TUBGCP4: variants seen among roughly 807,000 people sequenced by gnomAD.
The protein encoded by TUBGCP4 is gamma-tubulin complex component 4.
Under a neutral mutation model 91.6 loss-of-function variants are expected in TUBGCP4, and 54 were observed. That is an observed-to-expected ratio of 0.59 (90% confidence interval 0.47 to 0.74). The LOEUF (loss-of-function observed/expected upper bound fraction) is 0.74. TUBGCP4 is among the 30% of genes least tolerant of loss of function. The probability of loss-of-function intolerance (pLI) is 0.00; values close to 1 mark genes in which losing one functional copy is unlikely to be tolerated. For missense variants in TUBGCP4, 593 were observed against 800.9 expected, an observed-to-expected ratio of 0.74 and a Z score of 3.13; for synonymous variants, 297 against 302.8, an observed-to-expected ratio of 0.98 and a Z score of 0.20.
At position 43,407,204 on chromosome 15, in the gene TUBGCP4, G is replaced by A; in HGVS notation, c.*1990G>A. ...GATTAAGCTCAAAAAAACAGATGAAGAAATCCCAGTTACTACAACCAAAGA... is the reference window on the plus strand; with the variant it reads ...GATTAAGCTCAAAAAAACAGATGAAAAAATCCCAGTTACTACAACCAAAGA... On this transcript the variant is annotated 3_prime_UTR_variant, in exon 18 of 18. Coordinates refer to ENST00000564079, the MANE Select transcript of TUBGCP4 (RefSeq NM_014444.5). The A allele has an allele frequency of 3.4e-6, 2 of 594,980 alleles. No homozygotes were observed. Among genetic ancestry groups the A allele is most frequent in the South Asian group, 4.5e-5 (2 of 44,092 alleles). 36.9% of individuals were successfully genotyped at this position (594,980 alleles called of 1,614,324 possible).
rs375913258 is a variant in TUBGCP4, at chr15:43,371,338, C to G, written c.-17C>G. 3.1e-6 allele frequency: 5 copies of G among 1,612,594 alleles called. No individual in the cohort carries two copies. In the South Asian group the frequency reaches 4.4e-5, roughly 14 times the overall value. The stretch of plus-strand genomic sequence containing the variant: ...GGAGGGGGTGACATAACCAGGGACT[C>G]GAGGTCCGCCGTGGGAATGATCCAC... On this transcript the variant is annotated 5_prime_UTR_variant, in exon 1 of 18. Transcript: ENST00000564079.
intron 13 of TUBGCP4, chr15:43,399,232 T>C: frequency 9.6e-7 from 1 of 1,044,598 alleles, no homozygotes; most frequent in Non-Finnish European, 1.2e-6. Flanking sequence ...CTTTTAAGTA[T>C]GGAGTCTCAG....
intron 1 of TUBGCP4, among the ~76,000 whole-genome samples, chr15:43,372,761 T>C (rs1320175312): frequency 6.6e-6 from 1 of 152,222 alleles, no homozygotes; most frequent in African/African-American, 2.4e-5. Context: ...AGAAAAACTT[T>C]CTCTGAGCAC....
At chr15:43,373,028 C>G (rs2044148379) in intron 1 of TUBGCP4, among the ~76,000 whole-genome samples, 1 of 152,184 alleles carries the variant, frequency 6.6e-6, no homozygotes, top group African/African-American at 2.4e-5. Context: ...TACATAATTT[C>G]TGCAGAGCAG....
At chr15:43,395,403 C>T (rs568942655) in intron 10 of TUBGCP4, 180 bp from the exon 11 acceptor site, 1 of 674,752 alleles carries the variant, frequency 1.5e-6, no homozygotes, top group Non-Finnish European at 2.6e-6. Flanking sequence ...GCCAAATACA[C>T]ACCAGTCATC....
chr15:43,392,785 C>G (rs1330304405), intron 9 of TUBGCP4, among the ~76,000 whole-genome samples: 4 of 152,110 alleles, frequency 2.6e-5, no homozygotes. Context: ...AGGCATGAGC[C>G]ACTACACCTG....
Position 43,408,449 on chromosome 15 carries a change from C to A in TUBGCP4, c.*3235C>A. The A allele has an allele frequency of 3.7e-6, 1 of 267,922 alleles. No individual in the cohort carries two copies. Among genetic ancestry groups the A allele is most frequent in the Non-Finnish European group, 7.2e-6 (1 of 138,484 alleles). The allele number at this position is 267,922 out of a possible 1,614,324, so 16.6% of individuals were successfully genotyped here. ...TAAGTCGTCACTGCGCCACTGTACT[C>A]CAGCCTAGGTGACAGAGCAAGACTT... On this transcript the variant is annotated 3_prime_UTR_variant, in exon 18 of 18. Transcript: ENST00000564079.
chr15:43,385,986 C>T (rs1184334308), intron 8 of TUBGCP4, 30 bp downstream of exon 8: 1 of 1,610,522 alleles, frequency 6.2e-7, no homozygotes, highest in Non-Finnish European at 8.5e-7. Flanking sequence ...ATGTACCACA[C>T]CCTCAAAATC....
chr15:43,400,288 T>C (rs2044651767), intron 14 of TUBGCP4, 67 bp downstream of exon 14: 1 of 1,378,128 alleles, frequency 7.3e-7, no homozygotes, highest in South Asian at 1.3e-5. Context: ...GCAGGGAGTA[T>C]TGAATAGGGA....
chr15:43,404,618 C>G, intron 17 of TUBGCP4, 66 bp downstream of exon 17: 2 of 1,552,006 alleles, frequency 1.3e-6, no homozygotes, highest in Non-Finnish European at 1.8e-6. Flanking sequence ...TTGTAGAATT[C>G]TAGAACTGGA....
intron 15 of TUBGCP4, 119 bp downstream of exon 15, chr15:43,401,969 AT>A (rs1346243554): frequency 1.5e-6 from 2 of 1,362,942 alleles, no homozygotes; most frequent in East Asian, 4.8e-5. Context: ...ATTTTAAAAC[AT>A]TTTTTAAGAA....
intron 5 of TUBGCP4, among the ~76,000 whole-genome samples, chr15:43,379,397 T>G (rs1178371095): frequency 2.0e-5 from 3 of 152,224 alleles, no homozygotes; most frequent in African/African-American, 7.2e-5. Context: ...ATCCCAGCAC[T>G]TCGGGAGGCC....
At chr15:43,386,016 G>A (rs2044351554) in intron 8 of TUBGCP4, 60 bp downstream of exon 8, 1 of 1,591,740 alleles carries the variant, frequency 6.3e-7, no homozygotes, top group Admixed American at 1.7e-5. Flanking sequence ...TTAATACTAT[G>A]TGGCCCCACA....
chr15:43,378,282 T>A (rs1379574997), intron 5 of TUBGCP4, among the ~76,000 whole-genome samples: 1 of 152,218 alleles, frequency 6.6e-6, no homozygotes, highest in Admixed American at 6.5e-5. Context: ...TGCTGGCAGT[T>A]TTCTGAGAAT....
At position 43,395,131 on chromosome 15, in the gene TUBGCP4, G is replaced by C. The variant is rs1406103618; in HGVS notation, c.1039G>C (p.Glu347Gln). ...AEHLWKLMVE[E>Q]SDLLGQLKII... is the part of the protein sequence containing the mutation. ...GCATCTCTGGAAGTTGATGGTAGAA[G>C]AATCCGATTTACTGGGTCAGCTGAA... The change falls in exon 10 of 18, where the codon GAA becomes CAA. Residue 347 changes from glutamate (E) to glutamine (Q), a missense_variant. By Grantham distance (29) the Glu-to-Gln change is conservative (BLOSUM62 2). Transcript: ENST00000564079. The C allele has an allele frequency of 6.2e-7, 1 of 1,614,176 alleles. No individual in the cohort carries two copies. The highest frequency in any genetic ancestry group is 2.2e-5 in the East Asian group (1 of 44,876).
Position 43,371,296 on chromosome 15 carries a change from C to T in TUBGCP4, c.-59C>T, listed in dbSNP as rs767017491. The T allele has an allele frequency of 3.3e-5, 52 of 1,559,930 alleles. No homozygotes were observed. Among genetic ancestry groups the T allele is most frequent in the Non-Finnish European group, 4.3e-5 (49 of 1,141,630 alleles). ...AGGGGAAGCACTCCCCTCGTGGTCG[C>T]CTGGAGGTGCGCTGGAGGAGGGGGT... On this transcript the variant is annotated 5_prime_UTR_variant, in exon 1 of 18. Coordinates refer to ENST00000564079, the MANE Select transcript of TUBGCP4 (RefSeq NM_014444.5).
chr15:43,386,306 T>C lies in TUBGCP4; in HGVS notation c.990T>C (p.Asp330=). The stretch of plus-strand genomic sequence containing the variant: ...TGGTGGACTTTGAACAGGTGGTGGA[T>C]CGCATTCGCAGCACTGTGGCTGAGG... ...FSLVDFEQVV[D]RIRSTVAEHL... The change falls in exon 9 of 18, where the codon GAT becomes GAC. Residue 330 remains aspartate (D), a synonymous_variant. Transcript: ENST00000564079. 6.4e-7 allele frequency: 1 copy of C among 1,563,020 alleles called. No homozygotes were observed. The highest frequency in any genetic ancestry group is 1.8e-5 in the Admixed American group (1 of 55,932).
At position 43,395,681 on chromosome 15, in the gene TUBGCP4, T is replaced by C. The variant is rs751855964; in HGVS notation, c.1164T>C (p.Thr388=). The part of the protein sequence containing the change: ...HMLKTPPTAV[T]EHDVNVAFQQ... The stretch of plus-strand genomic sequence containing the variant: ...TGAAAACACCACCCACTGCAGTAAC[T>C]GAGCATGGTAATTGTCAGTGGCCCT... The change falls in exon 11 of 18, where the codon ACT becomes ACC. Residue 388 remains threonine (T), a synonymous_variant. Coordinates refer to ENST00000564079, the MANE Select transcript of TUBGCP4 (RefSeq NM_014444.5). 27 of 1,613,024 alleles carry C rather than the reference T, an allele frequency of 1.7e-5. No homozygotes were observed. Among genetic ancestry groups the C allele is most frequent in the Non-Finnish European group, 2.2e-5 (26 of 1,179,110 alleles).
intron 14 of TUBGCP4, among the ~76,000 whole-genome samples, chr15:43,400,739 A>G (rs1000440048): frequency 4.6e-5 from 7 of 152,072 alleles, no homozygotes; most frequent in Non-Finnish European, 8.8e-5. Flanking sequence ...AGCATGGTGA[A>G]ACACCATCTC....
Sources: gnomAD v4.1 joint callset for allele counts (sites outside exome capture counted in the v4.1 genomes callset) on GRCh38, gnomAD v4.1.1 for gene constraint, MANE v1.5 for transcripts, NCBI Gene and HGNC (gene_info 2026-07-23, HGNC 2026-07-21) for gene names.